BDP1: variants seen among roughly 807,000 people sequenced by gnomAD.
The protein encoded by BDP1 is transcription factor TFIIIB component B'' homolog.
In BDP1, 169 loss-of-function variants were observed where a neutral mutation model predicts 266.6. The ratio of observed to expected loss-of-function variants is 0.63; its 90% CI spans 0.56 to 0.72. The LOEUF is 0.72. Among genes scored for constraint, BDP1 ranks in the 30% least tolerant of loss-of-function variants. BDP1 has a pLI of 0.00. For synonymous variants in BDP1, 1,090 were observed against 1,022.4 expected (o/e 1.07, Z -1.26); for missense variants, 3,015 against 3,053.8 (o/e 0.99, Z 0.30).
At chr5:71,496,138 A>T (rs1580069726) in intron 12 of BDP1, among the ~76,000 whole-genome samples, 1 of 150,638 alleles carries the variant, frequency 6.6e-6, no homozygotes, top group African/African-American at 2.4e-5. Flanking sequence ...GCTACTTGGG[A>T]GGCTGAGGCA....
rs751944810 is a variant in BDP1, at chr5:71,466,104, G to A, written c.668G>A (p.Gly223Asp). ...ATCTTTATATGTGGTAGGCAAGAAGGTAAGAGTACTCCTAATGCTGAAGAT... is the reference window on the plus strand; with the variant it reads ...ATCTTTATATGTGGTAGGCAAGAAGATAAGAGTACTCCTAATGCTGAAGAT... ...STPVQTREQE[G>D]KSTPNAEDNE... The change falls in exon 5 of 39, where the codon GGT becomes GAT. Residue 223 changes from glycine (G) to aspartate (D), a missense_variant. By Grantham distance (94) the Gly-to-Asp change is moderately conservative. Transcript: ENST00000358731. The A allele has an allele frequency of 6.2e-7, 1 of 1,613,570 alleles. No individual in the cohort carries two copies. Among genetic ancestry groups the A allele is most frequent in the Non-Finnish European group, 8.5e-7 (1 of 1,179,686 alleles).
intron 10 of BDP1, 85 bp downstream of exon 10, chr5:71,489,767 T>A: frequency 8.5e-7 from 1 of 1,171,590 alleles, no homozygotes; most frequent in Non-Finnish European, 1.2e-6. Context: ...ATTTTCTGTC[T>A]AGATAGCAAT....
intron 26 of BDP1, 92 bp downstream of exon 26, chr5:71,532,519 C>A: frequency 8.1e-7 from 1 of 1,229,210 alleles, no homozygotes; most frequent in Non-Finnish European, 1.1e-6. Context: ...GGTTTATAAA[C>A]ACTTTACTTA....
chr5:71,505,409 A>G (rs866793460), intron 16 of BDP1, among the ~76,000 whole-genome samples: 1 of 152,340 alleles, frequency 6.6e-6, no homozygotes, highest in Middle Eastern at 3.4e-3. Flanking sequence ...GATTGAGCAC[A>G]TATTGCCTTT....
rs1402008568 is a variant in BDP1 at position 71,567,073 on chromosome 5, C to T, written c.*2188C>T. On this transcript the variant is annotated 3_prime_UTR_variant, in exon 39 of 39. Coordinates refer to ENST00000358731, the MANE Select transcript of BDP1 (RefSeq NM_018429.3). The stretch of plus-strand genomic sequence containing the variant: ...GGAGCGGAAATTGTCTATAAGTAGG[C>T]ATTTATTTCATGATTGATATGTCAC... 6.6e-6 allele frequency: 1 copy of T among 152,124 alleles called. No individual in the cohort carries two copies. The highest frequency in any genetic ancestry group is 1.5e-5 in the Non-Finnish European group (1 of 68,022). The allele number at this position is 152,124 out of a possible 1,614,324, so 9.4% of individuals were successfully genotyped here. A position where few individuals can be genotyped will look rare whatever the true frequency, so the allele number is the denominator to read the frequency against.
chr5:71,457,654 T>C (rs1761283455), intron 1 of BDP1, among the ~76,000 whole-genome samples: 1 of 152,096 alleles, frequency 6.6e-6, no homozygotes, highest in Admixed American at 6.6e-5. Flanking sequence ...TGTAAAACTC[T>C]ATAGGATATA....
At chr5:71,577,253 C>T in the BDP1 span, among the ~76,000 whole-genome samples, 6 of 152,236 alleles carry the variant, frequency 3.9e-5, no homozygotes, top group Admixed American at 1.3e-4. Flanking sequence ...TCATTGTGTC[C>T]GTAGAGGCTT....
At chr5:71,470,687 A>G (rs1393113010) in intron 7 of BDP1, among the ~76,000 whole-genome samples, 198 bp downstream of exon 7, 1 of 151,174 alleles carries the variant, frequency 6.6e-6, no homozygotes, top group Non-Finnish European at 1.5e-5. Flanking sequence ...CTCCGGGTTC[A>G]AGCAATTCTC....
chr5:71,552,772 A>G (rs1362071834), intron 34 of BDP1, among the ~76,000 whole-genome samples: 3 of 152,268 alleles, frequency 2.0e-5, no homozygotes, highest in African/African-American at 4.8e-5. Flanking sequence ...TGGCAGCAGT[A>G]CAGTCCAGCT....
At position 71,470,832 on chromosome 5, in the gene BDP1, C is replaced by G. The variant is rs568224698; in HGVS notation, c.1014+343C>G. On this transcript the variant is annotated intron_variant, in intron 7 of 38. Coordinates refer to ENST00000358731, the MANE Select transcript of BDP1 (RefSeq NM_018429.3). ...GTCGAACTCTTGAGCTCAGGTTAAT[C>G]CCCCCATCTTGGCCTCCCAAAGTGT... is the stretch of plus-strand genomic sequence containing the variant. Among the ~76,000 whole-genome samples the G allele has an allele frequency of 2.6e-5, 4 of 151,712 alleles. No homozygotes were observed. The South Asian group carries it at 6.3e-4, about 24-fold the overall frequency.
chr5:71,471,368 T>C (rs1456006784), intron 7 of BDP1, among the ~76,000 whole-genome samples: 1 of 152,098 alleles, frequency 6.6e-6, no homozygotes, highest in African/African-American at 2.4e-5. Context: ...TCTTGAACTC[T>C]TGACCTCTGG....
chr5:71,465,712 C>T (rs983536403), intron 4 of BDP1, among the ~76,000 whole-genome samples: 1 of 152,112 alleles, frequency 6.6e-6, no homozygotes, highest in African/African-American at 2.4e-5. Context: ...GAAAACCCGT[C>T]TCTACTAAAA....
At chr5:71,478,648 C>A (rs1227385883) in intron 7 of BDP1, among the ~76,000 whole-genome samples, 2 of 151,142 alleles carry the variant, frequency 1.3e-5, no homozygotes, top group African/African-American at 2.4e-5. Context: ...ATTTCTCTGG[C>A]TGTTTTCAGG....
chr5:71,549,123 A>T (rs931586469), intron 33 of BDP1, among the ~76,000 whole-genome samples: 1 of 152,144 alleles, frequency 6.6e-6, no homozygotes, highest in Non-Finnish European at 1.5e-5. Context: ...CTGTAATCCC[A>T]TCTACTTGGG....
chr5:71,539,932 AATAC>A (rs1766860871), intron 28 of BDP1, among the ~76,000 whole-genome samples: 1 of 152,056 alleles, frequency 6.6e-6, no homozygotes. Flanking sequence ...AAAGGTAGTG[AATAC>A]TACCTTTACC....
rs759246668 is a variant in BDP1 at position 71,464,108 on chromosome 5, A to G, written c.650A>G (p.Gln217Arg). The G allele has an allele frequency of 5.1e-6, 8 of 1,568,076 alleles. No homozygotes were observed. In the African/African-American group the frequency reaches 5.5e-5, roughly 11 times the overall value. Residue 217 changes from glutamine (Q) to arginine (R), a missense_variant, in exon 4 of 39, where the codon CAG becomes CGG. By Grantham distance (43) the Gln-to-Arg change is conservative. This residue lies in a region of BDP1 where 2,383 missense variants were observed against 2,404.9 expected (regional missense o/e 0.99). Transcript: ENST00000358731. ...ACTGAAAAGCCATCGACTCCAGTCC[A>G]GACAAGAGAGTAAGTATTTTATTTT... Reference protein sequence around the residue: ...KKTEKPSTPVQTREQEGKSTP... With the variant: ...KKTEKPSTPVRTREQEGKSTP...
chr5:71,558,951 C>G (rs895409398), intron 36 of BDP1, among the ~76,000 whole-genome samples: 2 of 151,996 alleles, frequency 1.3e-5, no homozygotes, highest in African/African-American at 4.8e-5. Context: ...GTCAGGAGTT[C>G]GGGAGCAGCC....
chr5:71,464,410 G>A (rs1180633704), intron 4 of BDP1, among the ~76,000 whole-genome samples: 1 of 152,020 alleles, frequency 6.6e-6, no homozygotes, highest in Non-Finnish European at 1.5e-5. Context: ...TGGGAGGATC[G>A]CTCGAGCCCA....
chr5:71,488,894 G>T (rs1763424145), intron 9 of BDP1, among the ~76,000 whole-genome samples: 1 of 152,020 alleles, frequency 6.6e-6, no homozygotes, highest in African/African-American at 2.4e-5. Context: ...TTTTGGTAGA[G>T]ATGGGGTTTC....
Sources: gnomAD v4.1 joint callset for allele counts (sites outside exome capture counted in the v4.1 genomes callset) on GRCh38, gnomAD v4.1.1 for gene constraint, gnomAD v4.1.1 regional missense constraint, MANE v1.5 for transcripts, NCBI Gene and HGNC (gene_info 2026-07-23, HGNC 2026-07-21) for gene names.